The following SLC38A8 variants were observed in gnomAD, a reference collection of about 807,000 sequenced individuals.
SLC38A8 encodes solute carrier family 38 member 8.
SLC38A8 carries 65 observed loss-of-function variants against 46.0 expected under a neutral mutation model. The observed-to-expected ratio is 1.41, with a 90% CI of 1.16 to 1.74. SLC38A8 has a LOEUF of 1.74. Ranked by LOEUF, SLC38A8 falls within the 40% of genes most tolerant of loss-of-function variation. SLC38A8 has a pLI of 0.00. For synonymous variants in SLC38A8, 447 were observed against 243.7 expected (o/e 1.83, Z -7.77); for missense variants, 998 against 567.9 (o/e 1.76, Z -7.70).
chr16:84,027,869 G>C (rs978906736), intron 6 of SLC38A8, among the ~76,000 whole-genome samples: 2 of 152,190 alleles, frequency 1.3e-5, no homozygotes, highest in Non-Finnish European at 2.9e-5. Flanking sequence ...CTTGGGCACA[G>C]AGAGAGGTTC....
chr16:84,038,419 C>T (rs1051461321), intron 2 of SLC38A8, among the ~76,000 whole-genome samples: 1 of 152,182 alleles, frequency 6.6e-6, no homozygotes, highest in Non-Finnish European at 1.5e-5. Flanking sequence ...CTTGCTTTGA[C>T]TCCTCTACCC....
intron 2 of SLC38A8, among the ~76,000 whole-genome samples, chr16:84,039,277 T>C (rs2085339956): frequency 6.6e-6 from 1 of 152,182 alleles, no homozygotes; most frequent in Admixed American, 6.5e-5. Flanking sequence ...TTTGTGGTAA[T>C]ATGTTATAGC....
chr16:84,029,477 A>G lies in SLC38A8; in HGVS notation c.690+17T>C. ...CTCTGCAAACGCCACAGGCTGCAAC[A>G]CAGATGCTAAAATTACCTGAAACCC... On this transcript the variant is annotated intron_variant, in intron 6 of 10. Transcript: ENST00000299709. The G allele has an allele frequency of 6.2e-7, 1 of 1,613,822 alleles. No individual in the cohort carries two copies. Among genetic ancestry groups the G allele is most frequent in the Non-Finnish European group, 8.5e-7 (1 of 1,179,816 alleles).
chr16:84,012,881 C>T (rs2084970522), intron 10 of SLC38A8, 120 bp downstream of exon 10: 5 of 1,104,804 alleles, frequency 4.5e-6, no homozygotes, highest in East Asian at 2.4e-5. Context: ...TCCTGTGGCT[C>T]GCAGGTTTCT....
At chr16:84,037,504 C>G (rs2002002) in intron 2 of SLC38A8, among the ~76,000 whole-genome samples, 2 of 152,142 alleles carry the variant, frequency 1.3e-5, no homozygotes, top group South Asian at 4.1e-4. Context: ...CTCATGCCTG[C>G]AATCCCAGCA....
chr16:84,042,948 G>A (rs1247826176), upstream of SLC38A8, among the ~76,000 whole-genome samples: 3 of 152,170 alleles, frequency 2.0e-5, no homozygotes, highest in South Asian at 2.1e-4. Context: ...AGGGGAGCAG[G>A]CACCATGATC....
At chr16:84,041,938 C>G (rs373984575) in intron 2 of SLC38A8, 31 bp downstream of exon 2, 5 of 1,535,900 alleles carry the variant, frequency 3.3e-6, no homozygotes, top group Non-Finnish European at 4.4e-6. Context: ...ACCTCGTACC[C>G]GTCCCCAGGA....
chr16:84,017,903 G>A (rs148413420), intron 7 of SLC38A8, among the ~76,000 whole-genome samples: 1 of 152,172 alleles, frequency 6.6e-6, no homozygotes, highest in African/African-American at 2.4e-5. Context: ...GGAACATGTG[G>A]AGGTGATACT....
chr16:84,025,888 G>GGAGGGCTCTGCCAGCAGGGGGGACGC (rs2085158504), intron 6 of SLC38A8, among the ~76,000 whole-genome samples: 1 of 152,234 alleles, frequency 6.6e-6, no homozygotes, highest in South Asian at 2.1e-4. Flanking sequence ...CTGTCCTACA[G>GGAGGGCTCTGCCAGCAGGGGGGACGC]GAGGGCTCTG....
chr16:84,017,339 C>T lies in SLC38A8; in HGVS notation c.806-52G>A, dbSNP rs370693706. The T allele has an allele frequency of 4.1e-5, 66 of 1,595,868 alleles. No homozygotes were observed. In the African/African-American group the frequency reaches 8.0e-4, roughly 19 times the overall value. Reference sequence around the variant, plus strand: ...CAGAGTGGATTAGGAAAATGCTGCCCCCTCCCCCACCAACAGACAGACAGC... The same window carrying T: ...CAGAGTGGATTAGGAAAATGCTGCCTCCTCCCCCACCAACAGACAGACAGC... On this transcript the variant is annotated intron_variant, in intron 7 of 10. Coordinates refer to ENST00000299709, the MANE Select transcript of SLC38A8 (RefSeq NM_001080442.3).
At chr16:84,037,730 C>T (rs967752609) in intron 2 of SLC38A8, among the ~76,000 whole-genome samples, 17 of 150,046 alleles carry the variant, frequency 1.1e-4, no homozygotes, top group African/African-American at 3.9e-4. Context: ...CTCTGTACTC[C>T]AGCCTGGGGG....
At chr16:84,042,258 C>A in intron 1 of SLC38A8, 99 bp from the exon 2 acceptor site, 6 of 1,313,638 alleles carry the variant, frequency 4.6e-6, no homozygotes, top group Non-Finnish European at 6.2e-6. Flanking sequence ...GTGAGAGCTC[C>A]CTGAGCCGCT....
chr16:84,038,070 G>A (rs1251900398), intron 2 of SLC38A8, among the ~76,000 whole-genome samples: 3 of 152,028 alleles, frequency 2.0e-5, no homozygotes. Context: ...CAGCACTTCG[G>A]GAGGCCAAGG....
At chr16:84,033,303 C>T in intron 4 of SLC38A8, 25 bp downstream of exon 4, 1 of 1,613,930 alleles carries the variant, frequency 6.2e-7, no homozygotes. Flanking sequence ...TGGGGGCCCC[C>T]ACCAGGCAGC....
chr16:84,010,146 C>T (rs111856518), intron 10 of SLC38A8, among the ~76,000 whole-genome samples: 4 of 144,560 alleles, frequency 2.8e-5, no homozygotes, highest in African/African-American at 7.9e-5. Context: ...TCTCGGCTCA[C>T]TGCAGCCTCC....
At chr16:84,026,834 T>C (rs943160488) in intron 6 of SLC38A8, among the ~76,000 whole-genome samples, 2 of 152,098 alleles carry the variant, frequency 1.3e-5, no homozygotes, top group East Asian at 1.9e-4. Flanking sequence ...GTGGCCATCG[T>C]AGGCAAATCC....
At chr16:84,038,338 A>T (rs1461133439) in intron 2 of SLC38A8, among the ~76,000 whole-genome samples, 3 of 151,720 alleles carry the variant, frequency 2.0e-5, no homozygotes, top group African/African-American at 7.3e-5. Flanking sequence ...GATGTACAGG[A>T]AAGTTGCAAG....
In SLC38A8 at chr16:84,016,633, G is replaced by C; in HGVS notation, c.1048C>G (p.Leu350Val). ...GTCACGGTGACCCACAGGATGGTCA[G>C]CGGCATCCGGACCCACAGCCCTGAG... ...DPSGLWVRMP[L>V]TILWVTVTLA... Residue 350 changes from leucine (L) to valine (V), a missense_variant, in exon 9 of 11, where the codon CTG becomes GTG. Transcript: ENST00000299709. The C allele has an allele frequency of 1.2e-6, 2 of 1,613,874 alleles. No homozygotes were observed. Among genetic ancestry groups the C allele is most frequent in the South Asian group, 1.1e-5 (1 of 91,092 alleles).
At chr16:84,020,424 A>C (rs2085081781) in intron 7 of SLC38A8, among the ~76,000 whole-genome samples, 2 of 152,224 alleles carry the variant, frequency 1.3e-5, no homozygotes, top group African/African-American at 4.8e-5. Flanking sequence ...CTGGGATTAC[A>C]GGCATGAGCC....
Sources: allele counts gnomAD v4.1 joint callset (sites outside exome capture counted in the v4.1 genomes callset), GRCh38; gene constraint gnomAD v4.1.1; transcripts MANE v1.5; gene names NCBI Gene and HGNC (gene_info 2026-07-23, HGNC 2026-07-21).